The following TRAPPC13 variants were observed in gnomAD, a reference collection of about 807,000 sequenced individuals.
TRAPPC13 encodes REV7-interacting novel NHEJ regulator 1.
TRAPPC13 carries 39 observed loss-of-function variants against 54.0 expected under a neutral mutation model. The observed-to-expected ratio is 0.72, with a 90% CI of 0.56 to 0.94. The LOEUF (loss-of-function observed/expected upper bound fraction) is 0.94. Among genes scored for constraint, TRAPPC13 ranks in the 40% least tolerant of loss-of-function variants. The pLI is 0.00. For missense variants in TRAPPC13, 386 were observed against 488.1 expected, an observed-to-expected ratio of 0.79 and a Z score of 1.97; for synonymous variants, 148 against 167.7, an observed-to-expected ratio of 0.88 and a Z score of 0.91.
chr5:65,647,792 T>C (rs1336906955), intron 5 of TRAPPC13, among the ~76,000 whole-genome samples: 1 of 152,162 alleles, frequency 6.6e-6, no homozygotes, highest in Non-Finnish European at 1.5e-5. Context: ...TTAATTCTCC[T>C]GAATATCTTT....
chr5:65,651,722 G>GT (rs35982863), intron 6 of TRAPPC13, among the ~76,000 whole-genome samples: 93,040 of 149,962 alleles, frequency 0.62, 29,181 homozygotes, highest in South Asian at 0.64. Context: ...ACTGTATATG[G>GT]TTTTTTTCAT....
chr5:65,637,485 G>C (rs1239182332), intron 3 of TRAPPC13, among the ~76,000 whole-genome samples: 1 of 151,972 alleles, frequency 6.6e-6, no homozygotes, highest in Non-Finnish European at 1.5e-5. Context: ...CAAAAAATTA[G>C]CTAGGCGTGG....
intron 5 of TRAPPC13, among the ~76,000 whole-genome samples, chr5:65,647,412 A>G (rs1327663417): frequency 6.6e-6 from 1 of 152,136 alleles, no homozygotes; most frequent in Non-Finnish European, 1.5e-5. Flanking sequence ...TTACATCTAC[A>G]ATCTCTAAAA....
intron 8 of TRAPPC13, among the ~76,000 whole-genome samples, chr5:65,656,016 TGTATAATC>T (rs1756638671): frequency 1.3e-5 from 2 of 152,328 alleles, no homozygotes; most frequent in South Asian, 4.1e-4. Context: ...TTGAGTAGAC[TGTATAATC>T]GAAATTCATT....
intron 1 of TRAPPC13, among the ~76,000 whole-genome samples, chr5:65,632,219 G>A (rs1279125549): frequency 5.3e-5 from 8 of 152,158 alleles, no homozygotes; most frequent in South Asian, 4.1e-4. Context: ...AGCCATGATC[G>A]TGCCACTGTA....
At chr5:65,641,716 AAAAAAAAAAC>A (rs952316688) in intron 4 of TRAPPC13, among the ~76,000 whole-genome samples, 16 of 151,576 alleles carry the variant, frequency 1.1e-4, no homozygotes, top group Admixed American at 3.9e-4. Context: ...GTCTGAGAAA[AAAAAAAAAAC>A]AAAAAAAACA....
At chr5:65,660,080 G>T (rs1032105432) in intron 9 of TRAPPC13, among the ~76,000 whole-genome samples, 1 of 151,504 alleles carries the variant, frequency 6.6e-6, no homozygotes, top group East Asian at 1.9e-4. Flanking sequence ...TCTTAGGTTG[G>T]TTACACACAG....
intron 10 of TRAPPC13, 78 bp downstream of exon 10, chr5:65,660,975 C>G: frequency 8.1e-7 from 1 of 1,233,740 alleles, no homozygotes; most frequent in East Asian, 2.5e-5. Context: ...TTTTCTACAT[C>G]CAGCAGTAAA....
chr5:65,628,726 C>T (rs1365348742), intron 1 of TRAPPC13, among the ~76,000 whole-genome samples: 2 of 151,890 alleles, frequency 1.3e-5, no homozygotes, highest in Non-Finnish European at 2.9e-5. Flanking sequence ...CGCCTTGGCC[C>T]CCATAAAGTT....
At chr5:65,637,964 CA>C (rs888451731) in intron 4 of TRAPPC13, among the ~76,000 whole-genome samples, 184 bp downstream of exon 4, 3 of 150,960 alleles carry the variant, frequency 2.0e-5, no homozygotes, top group East Asian at 2.0e-4. Context: ...ACTAAAAATA[CA>C]AAAATTAGCC....
At chr5:65,644,176 T>C (rs993738925) in intron 4 of TRAPPC13, among the ~76,000 whole-genome samples, 13 of 152,194 alleles carry the variant, frequency 8.5e-5, no homozygotes, top group African/African-American at 3.1e-4. Flanking sequence ...GTCCTGGTGA[T>C]TTTTTTTCTT....
chr5:65,656,860 C>T (rs747486925), intron 8 of TRAPPC13, among the ~76,000 whole-genome samples: 7 of 151,992 alleles, frequency 4.6e-5, no homozygotes, highest in African/African-American at 1.4e-4. Flanking sequence ...GAGCTGAGAT[C>T]GCACCACTGC....
chr5:65,645,524 G>C (rs1173635677), intron 4 of TRAPPC13, among the ~76,000 whole-genome samples: 2 of 151,968 alleles, frequency 1.3e-5, no homozygotes, highest in Non-Finnish European at 1.5e-5. Context: ...CTGTTTTTTA[G>C]CAGGGCGCGG....
At chr5:65,635,165 G>A (rs1755701957) in intron 1 of TRAPPC13, 136 bp from the exon 2 acceptor site, 1 of 761,370 alleles carries the variant, frequency 1.3e-6, no homozygotes, top group South Asian at 2.5e-5. Flanking sequence ...TAGGAAGTAT[G>A]TAGTATTATA....
At position 65,658,592 on chromosome 5, in the gene TRAPPC13, T is replaced by C. The variant is rs1756735164; in HGVS notation, c.698+91T>C. The C allele has an allele frequency of 6.1e-6, 7 of 1,145,560 alleles. No homozygotes were observed. In the South Asian group the frequency reaches 8.0e-5, roughly 13 times the overall value. The allele number at this position is 1,145,560 out of a possible 1,614,324, so 71.0% of individuals were successfully genotyped here. A position where few individuals can be genotyped will look rare whatever the true frequency, so the allele number is the denominator to read the frequency against. ...TGCTCTTCAGTGGGTTTTTTTTTAA[T>C]AGACTTTTTTTAAAGAATTTGAGGT... On this transcript the variant is annotated intron_variant, in intron 9 of 12. Transcript: ENST00000399438.
chr5:65,628,703 C>A (rs1026737474), intron 1 of TRAPPC13, among the ~76,000 whole-genome samples: 1 of 152,100 alleles, frequency 6.6e-6, no homozygotes, highest in Admixed American at 6.5e-5. Flanking sequence ...AGCTCCTGAC[C>A]TCGTGATCTG....
At chr5:65,627,131 C>CAAAGAAAAAAAAAAA (rs1755275539) in intron 1 of TRAPPC13, among the ~76,000 whole-genome samples, 1 of 32,552 alleles carries the variant, frequency 3.1e-5, no homozygotes. Context: ...GACCCTGTCT[C>CAAAGAAAAAAAAAAA]AAAAAAAAAA....
intron 1 of TRAPPC13, among the ~76,000 whole-genome samples, chr5:65,628,902 C>G (rs2150659644): frequency 6.6e-6 from 1 of 151,970 alleles, no homozygotes; most frequent in Middle Eastern, 3.4e-3. Context: ...ACTGCAACCT[C>G]TGGCTCCCAG....
At position 65,643,819 on chromosome 5, in the gene TRAPPC13, AAAAAAAAAAAAAAGAAAG is replaced by A. The variant is rs1361030164; in HGVS notation, c.301-3220_301-3203del. 6.9e-5 allele frequency among the ~76,000 whole-genome samples: 7 copies of A among 101,524 alleles called. No individual in the cohort carries two copies. In the East Asian group the frequency reaches 7.6e-4, roughly 11 times the overall value. 66.6% of individuals were successfully genotyped at this position (101,524 alleles called of 152,430 possible). On this transcript the variant is annotated intron_variant, in intron 4 of 12. Transcript: ENST00000399438. Reference sequence around the variant, plus strand: ...GCGACAGAGTGAGACTCCGTCTCAGAAAAAAAAAAAAAAGAAAGAAAAAAAAAAAAAGACTATGCTGTT... The same window carrying A: ...GCGACAGAGTGAGACTCCGTCTCAGAAAAAAAAAAAAAAGACTATGCTGTT...
Sources: allele counts gnomAD v4.1 joint callset (sites outside exome capture counted in the v4.1 genomes callset), GRCh38; gene constraint gnomAD v4.1.1; transcripts MANE v1.5; gene names NCBI Gene and HGNC (gene_info 2026-07-23, HGNC 2026-07-21).